The following CDH9 variants were observed in gnomAD, a reference collection of about 807,000 sequenced individuals.
CDH9 encodes cadherin 9.
A neutral mutation model predicts 70.9 loss-of-function variants in CDH9; 28 were observed. The ratio of observed to expected loss-of-function variants is 0.40; its 90% CI spans 0.29 to 0.54. The LOEUF (loss-of-function observed/expected upper bound fraction) is 0.54. Among genes scored for constraint, CDH9 ranks in the 20% least tolerant of loss-of-function variants. CDH9 has a pLI of 0.59. For synonymous variants in CDH9, 409 were observed against 343.1 expected (o/e 1.19, Z -2.12); for missense variants, 874 against 984.4 (o/e 0.89, Z 1.50).
At chr5:27,007,154 T>C (rs1166353327) in intron 1 of CDH9, among the ~76,000 whole-genome samples, 1 of 152,126 alleles carries the variant, frequency 6.6e-6, no homozygotes, top group Non-Finnish European at 1.5e-5. Context: ...CTAATGAGTG[T>C]CTTACATGAG....
At chr5:26,964,204 C>T (rs1742088786) in intron 2 of CDH9, among the ~76,000 whole-genome samples, 1 of 152,026 alleles carries the variant, frequency 6.6e-6, no homozygotes. Flanking sequence ...TACACACACA[C>T]ACACACACAT....
chr5:26,942,612 G>T (rs1479237728), intron 2 of CDH9, among the ~76,000 whole-genome samples: 1 of 152,056 alleles, frequency 6.6e-6, no homozygotes, highest in Non-Finnish European at 1.5e-5. Context: ...ACTGACTTTT[G>T]GCCAAGACAG....
At chr5:26,955,405 G>C (rs961565272) in intron 2 of CDH9, among the ~76,000 whole-genome samples, 2 of 152,136 alleles carry the variant, frequency 1.3e-5, no homozygotes, top group African/African-American at 4.8e-5. Context: ...GTTATCAGCA[G>C]GGCCACATTC....
chr5:27,035,721 GGTGT>G (rs1299885606), intron 1 of CDH9, among the ~76,000 whole-genome samples: 2 of 141,884 alleles, frequency 1.4e-5, no homozygotes, highest in Admixed American at 7.0e-5. Flanking sequence ...GGTGTGTGTG[GGTGT>G]GTGTGTATGT....
intron 2 of CDH9, among the ~76,000 whole-genome samples, chr5:26,943,004 A>G (rs1741688763): frequency 6.6e-6 from 1 of 152,212 alleles, no homozygotes; most frequent in African/African-American, 2.4e-5. Context: ...GGTCACATTT[A>G]TTAATTATCC....
intron 2 of CDH9, among the ~76,000 whole-genome samples, chr5:26,951,243 A>C: frequency 7.5e-6 from 1 of 133,966 alleles, no homozygotes; most frequent in Non-Finnish European, 1.6e-5. Context: ...CAGTGAGTGG[A>C]GATCCCACCA....
At chr5:26,927,882 G>A (rs551326809) in intron 2 of CDH9, among the ~76,000 whole-genome samples, 23 of 151,950 alleles carry the variant, frequency 1.5e-4, no homozygotes, top group East Asian at 1.4e-3. Context: ...TCTCTTATTA[G>A]TGGCCCCCAC....
intron 1 of CDH9, 108 bp from the exon 2 acceptor site, chr5:26,988,490 C>CTA (rs1742526348): frequency 1.1e-6 from 1 of 902,506 alleles, no homozygotes; most frequent in Non-Finnish European, 1.6e-6. Flanking sequence ...TTATTATGTA[C>CTA]TATATATACA....
intron 2 of CDH9, among the ~76,000 whole-genome samples, chr5:26,918,830 T>C (rs919045363): frequency 1.3e-5 from 2 of 152,186 alleles, no homozygotes; most frequent in African/African-American, 4.8e-5. Context: ...AACTATACCA[T>C]GGTTCTCCTG....
At chr5:26,986,749 C>A (rs921427123) in intron 2 of CDH9, among the ~76,000 whole-genome samples, 18 of 151,964 alleles carry the variant, frequency 1.2e-4, no homozygotes, top group African/African-American at 4.4e-4. Flanking sequence ...CATTTGCTAG[C>A]TGAACTTGAA....
chr5:26,883,041 T>TTATA (rs59145200), intron 11 of CDH9, among the ~76,000 whole-genome samples: 2 of 58,022 alleles, frequency 3.4e-5, no homozygotes, highest in African/African-American at 1.3e-4. Flanking sequence ...CAGGATCATC[T>TTATA]TATATATATA....
At chr5:26,914,819 G>A (rs1379970220) in intron 3 of CDH9, among the ~76,000 whole-genome samples, 5 of 151,964 alleles carry the variant, frequency 3.3e-5, no homozygotes, top group Non-Finnish European at 7.4e-5. Flanking sequence ...TCAAATTTGG[G>A]AAATTGGCTG....
At chr5:26,910,225 AT>A (rs1741026065) in intron 3 of CDH9, among the ~76,000 whole-genome samples, 1 of 6,662 alleles carries the variant, frequency 1.5e-4, no homozygotes, top group African/African-American at 6.0e-4. Flanking sequence ...TCTATCATCC[AT>A]CTATCTATCT....
intron 2 of CDH9, among the ~76,000 whole-genome samples, chr5:26,934,624 A>G (rs1373943585): frequency 1.3e-5 from 2 of 152,136 alleles, no homozygotes; most frequent in African/African-American, 4.8e-5. Flanking sequence ...CAAACAAACT[A>G]TATCCAAGCC....
intron 3 of CDH9, among the ~76,000 whole-genome samples, chr5:26,910,407 TAACA>T (rs1012615160): frequency 1.3e-5 from 2 of 152,210 alleles, no homozygotes; most frequent in Admixed American, 1.3e-4. Flanking sequence ...TATTCTTCTT[TAACA>T]AACAGCAACT....
intron 1 of CDH9, among the ~76,000 whole-genome samples, chr5:27,003,454 C>A (rs1480581323): frequency 9.2e-5 from 14 of 152,002 alleles, no homozygotes; most frequent in Admixed American, 9.2e-4. Context: ...AAACAAATAA[C>A]TTTCCAGTGG....
In CDH9 at chr5:27,012,251, G is replaced by A. The variant is rs1435277058; in HGVS notation, c.-49-23869C>T. 2.0e-5 allele frequency among the ~76,000 whole-genome samples: 3 copies of A among 151,628 alleles called. No individual in the cohort carries two copies. The South Asian group carries it at 6.2e-4, about 31-fold the overall frequency. On this transcript the variant is annotated intron_variant, in intron 1 of 11. Coordinates refer to ENST00000231021, the MANE Select transcript of CDH9 (RefSeq NM_016279.4). ...GTATAAAAAGCTGTTGTACTCCGTT[G>A]TTTTTATTTGTGTTATTATTGTTAC... is the stretch of plus-strand genomic sequence containing the variant.
intron 2 of CDH9, among the ~76,000 whole-genome samples, chr5:26,958,073 T>C (rs1741975456): frequency 6.6e-6 from 1 of 152,082 alleles, no homozygotes; most frequent in African/African-American, 2.4e-5. Context: ...TAATACATGA[T>C]TCAGAGGAAA....
Position 26,886,093 on chromosome 5 carries a change from A to AAATTAATT in CDH9, c.1513-18_1513-11dup. The AAATTAATT allele has an allele frequency of 6.3e-7, 1 of 1,577,120 alleles. No individual in the cohort carries two copies. Among genetic ancestry groups the AAATTAATT allele is most frequent in the Non-Finnish European group, 8.6e-7 (1 of 1,167,406 alleles). ...TGACAGTCTGAATCAACTGAAACCA[A>AAATTAATT]AATTAATTAATTAATTAATTAAGCC... is the stretch of plus-strand genomic sequence containing the variant. On this transcript the variant is annotated splice_polypyrimidine_tract_variant and intron_variant, in intron 9 of 11. Transcript: ENST00000231021.
Sources: gnomAD v4.1 joint callset for allele counts (sites outside exome capture counted in the v4.1 genomes callset) on GRCh38, gnomAD v4.1.1 for gene constraint, MANE v1.5 for transcripts, NCBI Gene and HGNC (gene_info 2026-07-23, HGNC 2026-07-21) for gene names.